Variants in NKAIN3 observed in about 807,000 individuals in gnomAD.
NKAIN3 encodes sodium/potassium-transporting ATPase subunit beta-1-interacting protein 3.
A neutral mutation model predicts 30.2 loss-of-function variants in NKAIN3; 25 were observed. The ratio of observed to expected loss-of-function variants is 0.83; its 90% confidence interval spans 0.60 to 1.16. The LOEUF is 1.16. Among genes scored for constraint, NKAIN3 ranks in the 50% most tolerant of loss-of-function variants. The probability of loss-of-function intolerance (pLI) is 0.00; values close to 1 mark genes in which losing one functional copy is unlikely to be tolerated. For synonymous variants in NKAIN3, 91 were observed against 89.6 expected (o/e 1.02, Z -0.09); for missense variants, 225 against 254.1 (o/e 0.89, Z 0.78).
intron 1 of NKAIN3, among the ~76,000 whole-genome samples, chr8:62,500,474 AAAGAAAG>A (rs1301653956): frequency 6.9e-6 from 1 of 145,190 alleles, no homozygotes; most frequent in African/African-American, 2.6e-5. Flanking sequence ...AGAAAGAAAG[AAAGAAAG>A]AAAGAAGAAA....
intron 1 of NKAIN3, among the ~76,000 whole-genome samples, chr8:62,499,746 C>T (rs993271961): frequency 3.3e-5 from 5 of 151,990 alleles, no homozygotes; most frequent in Non-Finnish European, 7.4e-5. Context: ...TTGGCCATCC[C>T]ACTAATAAAA....
chr8:62,758,588 G>A (rs1324019305), intron 4 of NKAIN3, among the ~76,000 whole-genome samples: 2 of 152,142 alleles, frequency 1.3e-5, no homozygotes, highest in Non-Finnish European at 2.9e-5. Context: ...AGGAAAGACA[G>A]GGGAATTTAT....
intron 1 of NKAIN3, among the ~76,000 whole-genome samples, chr8:62,449,701 A>G (rs1268180968): frequency 6.6e-6 from 1 of 152,114 alleles, no homozygotes; most frequent in Middle Eastern, 3.2e-3. Flanking sequence ...TATGATTTAG[A>G]AAAAGAACAA....
rs748319917 is a variant in NKAIN3 at position 62,747,075 on chromosome 8, C to T, written c.417C>T (p.Ile139=). ...DYTYVSVTGC[I]VDFQYLEVIH... The stretch of plus-strand genomic sequence containing the variant: ...CGTACGTCTCTGTCACAGGCTGCAT[C>T]GTTGACTTCCAGTACCTGGAGGTCA... Residue 139 remains isoleucine (I), a synonymous_variant, in exon 4 of 7, where the codon ATC becomes ATT. Transcript: ENST00000623646. The T allele has an allele frequency of 4.0e-5, 64 of 1,613,506 alleles. No individual in the cohort carries two copies. Among genetic ancestry groups the T allele is most frequent in the Non-Finnish European group, 5.2e-5 (61 of 1,179,592 alleles).
intron 1 of NKAIN3, among the ~76,000 whole-genome samples, chr8:62,417,112 C>G (rs1804471238): frequency 6.6e-6 from 1 of 151,844 alleles, no homozygotes; most frequent in Non-Finnish European, 1.5e-5. Flanking sequence ...ACCTACATCT[C>G]CATCCTCCTG....
chr8:62,997,750 T>A (rs1377120777), intron 5 of NKAIN3, among the ~76,000 whole-genome samples: 1 of 132,004 alleles, frequency 7.6e-6, no homozygotes, highest in Non-Finnish European at 1.6e-5. Context: ...ATGAGCTCTT[T>A]TCTTTAAAAA....
intron 1 of NKAIN3, among the ~76,000 whole-genome samples, chr8:62,458,808 T>C (rs1805899025): frequency 6.6e-6 from 1 of 152,182 alleles, no homozygotes; most frequent in African/African-American, 2.4e-5. Flanking sequence ...GCAGAAGGTA[T>C]TGAGAGAAGG....
chr8:62,842,160 A>G (rs1355887760), intron 4 of NKAIN3, among the ~76,000 whole-genome samples: 4 of 152,074 alleles, frequency 2.6e-5, no homozygotes, highest in Non-Finnish European at 5.9e-5. Context: ...TTGTTTGCTT[A>G]CTATTGAGTT....
At chr8:62,453,738 G>A (rs1805721996) in intron 1 of NKAIN3, among the ~76,000 whole-genome samples, 2 of 152,164 alleles carry the variant, frequency 1.3e-5, no homozygotes, top group South Asian at 2.1e-4. Context: ...CTCAGAGACT[G>A]TTATAAGCAC....
At chr8:62,994,392 G>A (rs1241318353) in intron 5 of NKAIN3, among the ~76,000 whole-genome samples, 1 of 152,080 alleles carries the variant, frequency 6.6e-6, no homozygotes, top group Non-Finnish European at 1.5e-5. Flanking sequence ...AGTGTGAAAG[G>A]GATTGTATGA....
chr8:62,497,173 T>C (rs1286065362), intron 1 of NKAIN3, among the ~76,000 whole-genome samples: 1 of 152,010 alleles, frequency 6.6e-6, no homozygotes. Flanking sequence ...AAAAAGTATT[T>C]GATATATATT....
intron 6 of NKAIN3, among the ~76,000 whole-genome samples, chr8:62,963,798 C>T (rs913186673): frequency 2.0e-5 from 3 of 151,980 alleles, no homozygotes; most frequent in Non-Finnish European, 1.5e-5. Flanking sequence ...ACTCCTGGGG[C>T]GTGCAGGAGG....
chr8:62,329,377 T>C (rs1023526040), intron 1 of NKAIN3, among the ~76,000 whole-genome samples: 11 of 152,168 alleles, frequency 7.2e-5, no homozygotes, highest in African/African-American at 2.7e-4. Flanking sequence ...AGGGTACATG[T>C]GCAGGTTTGT....
chr8:62,942,203 CATATATATACACATATATATACAT>C (rs1197935374), intron 5 of NKAIN3, among the ~76,000 whole-genome samples: 16 of 35,002 alleles, frequency 4.6e-4, no homozygotes, highest in Non-Finnish European at 8.7e-4. Flanking sequence ...TATATACACA[CATATATATACACATATATATACAT>C]ATATATACAC....
intron 3 of NKAIN3, among the ~76,000 whole-genome samples, chr8:62,644,319 C>A (rs1031110425): frequency 1.3e-5 from 2 of 152,068 alleles, no homozygotes; most frequent in Non-Finnish European, 2.9e-5. Flanking sequence ...CTCAAAATAT[C>A]CTGACTTCAG....
At chr8:62,913,820 A>C (rs953082270) in intron 4 of NKAIN3, among the ~76,000 whole-genome samples, 1 of 152,238 alleles carries the variant, frequency 6.6e-6, no homozygotes, top group African/African-American at 2.4e-5. Flanking sequence ...ATACCCCCAG[A>C]ATTTGAAATT....
rs937985994 is a variant in NKAIN3 at position 62,968,690 on chromosome 8, C to G, written c.*3283C>G. ...CCAGTGTTTTTCCTCTTGGAGCCAC[C>G]TTAGCACTGAGTCTTGTAAACCTTG... On this transcript the variant is annotated 3_prime_UTR_variant, in exon 7 of 7. Transcript: ENST00000623646. 6.6e-6 allele frequency among the ~76,000 whole-genome samples: 1 copy of G among 152,164 alleles called. No homozygotes were observed. The highest frequency in any genetic ancestry group is 2.4e-5 in the African/African-American group (1 of 41,436).
chr8:62,820,375 A>G (rs1818813228), intron 4 of NKAIN3, among the ~76,000 whole-genome samples: 1 of 152,192 alleles, frequency 6.6e-6, no homozygotes, highest in African/African-American at 2.4e-5. Flanking sequence ...TCTGCAACTA[A>G]TTCAGTTAAG....
chr8:62,485,915 A>G (rs1411019870), intron 1 of NKAIN3, among the ~76,000 whole-genome samples: 1 of 152,196 alleles, frequency 6.6e-6, no homozygotes, highest in Non-Finnish European at 1.5e-5. Context: ...TGAAACAGGA[A>G]TGGGGCGGGG....
Sources: gnomAD v4.1 joint callset for allele counts (sites outside exome capture counted in the v4.1 genomes callset) on GRCh38, gnomAD v4.1.1 for gene constraint, MANE v1.5 for transcripts, NCBI Gene and HGNC (gene_info 2026-07-23, HGNC 2026-07-21) for gene names.